PLXDC2: variants seen among roughly 807,000 people sequenced by gnomAD.
PLXDC2 encodes plexin domain-containing protein 2.
PLXDC2 carries 40 observed loss-of-function variants against 68.9 expected under a neutral mutation model. The observed-to-expected ratio is 0.58, with a 90% CI of 0.45 to 0.76. The LOEUF (loss-of-function observed/expected upper bound fraction) is 0.76, where lower values mean the gene tolerates loss of function less well. PLXDC2 is among the 30% of genes least tolerant of loss of function. The pLI, the probability that PLXDC2 is intolerant of heterozygous loss-of-function variation, is 0.00. For synonymous variants in PLXDC2, 243 were observed against 234.2 expected (o/e 1.04, Z -0.34); for missense variants, 644 against 661.9 (o/e 0.97, Z 0.30).
intron 3 of PLXDC2, among the ~76,000 whole-genome samples, chr10:20,048,044 A>C (rs540503093): frequency 1.3e-5 from 2 of 152,270 alleles, no homozygotes; most frequent in African/African-American, 4.8e-5. Context: ...TGTTCAGTTA[A>C]GTATGACCTG....
intron 1 of PLXDC2, among the ~76,000 whole-genome samples, chr10:19,987,711 G>A (rs1037821631): frequency 1.3e-5 from 2 of 151,648 alleles, no homozygotes; most frequent in Non-Finnish European, 2.9e-5. Flanking sequence ...ATAGGCGCCC[G>A]CCACCACCCC....
chr10:19,897,230 TTTTTTTTTG>T (rs1807010102), intron 1 of PLXDC2, among the ~76,000 whole-genome samples: 2 of 135,468 alleles, frequency 1.5e-5, no homozygotes, highest in Non-Finnish European at 3.3e-5. Flanking sequence ...CCCTTCTCTT[TTTTTTTTTG>T]TTTTTTTTTG....
intron 1 of PLXDC2, among the ~76,000 whole-genome samples, chr10:19,990,785 G>C (rs1834734255): frequency 6.6e-6 from 1 of 152,070 alleles, no homozygotes; most frequent in Non-Finnish European, 1.5e-5. Flanking sequence ...AAGTCATTTA[G>C]GAAAGCAATG....
At chr10:20,098,072 A>G (rs1833374761) in intron 4 of PLXDC2, among the ~76,000 whole-genome samples, 1 of 151,586 alleles carries the variant, frequency 6.6e-6, no homozygotes, top group Non-Finnish European at 1.5e-5. Flanking sequence ...TTATTGTTTT[A>G]TTTGTGGGGG....
chr10:20,105,918 A>G (rs966639049), intron 4 of PLXDC2, among the ~76,000 whole-genome samples: 12 of 152,262 alleles, frequency 7.9e-5, no homozygotes, highest in Admixed American at 7.8e-4. Context: ...TAGACCATCA[A>G]TAAAGCCTTG....
intron 4 of PLXDC2, among the ~76,000 whole-genome samples, chr10:20,140,688 C>G (rs1015588858): frequency 6.6e-6 from 1 of 151,862 alleles, no homozygotes; most frequent in African/African-American, 2.4e-5. Flanking sequence ...CTAGGTAAAG[C>G]CTATCATTAG....
Position 20,119,440 on chromosome 10 carries a change from G to A in PLXDC2, c.542-23855G>A, listed in dbSNP as rs539018442. Among the ~76,000 whole-genome samples the A allele has an allele frequency of 2.0e-5, 3 of 152,084 alleles. No individual in the cohort carries two copies. The East Asian group carries it at 5.8e-4, about 30-fold the overall frequency. ...GAGCTTGTGAGCCAGGATGAGCCAG[G>A]AGAAGGAATTTCACAAGACAATGTC... On this transcript the variant is annotated intron_variant, in intron 4 of 13. Transcript: ENST00000377252.
chr10:19,829,810 T>A (rs1836652352), intron 1 of PLXDC2, among the ~76,000 whole-genome samples: 1 of 152,292 alleles, frequency 6.6e-6, no homozygotes, highest in South Asian at 2.1e-4. Context: ...ATTTGTCATA[T>A]ATATTTGTGA....
Position 19,858,480 on chromosome 10 carries a change from C to T in PLXDC2, c.112+41289C>T, listed in dbSNP as rs190737442. ...CTTAAAGATTGCAGTGAACTTACAC[C>T]AAATTAGGCATTCATTGAATTAGCT... On this transcript the variant is annotated intron_variant, in intron 1 of 13. Coordinates refer to ENST00000377252, the MANE Select transcript of PLXDC2 (RefSeq NM_032812.9). Among the ~76,000 whole-genome samples, 487 of 152,258 alleles carry T rather than the reference C, an allele frequency of 3.2e-3. 3 individuals carry two copies. The highest frequency in any genetic ancestry group is 0.01 in the African/African-American group (432 of 41,544).
intron 12 of PLXDC2, among the ~76,000 whole-genome samples, chr10:20,221,488 C>A (rs1835211879): frequency 6.6e-6 from 1 of 152,112 alleles, no homozygotes; most frequent in Non-Finnish European, 1.5e-5. Context: ...TGGTTGTTAA[C>A]AAAGCACTTT....
At chr10:19,888,927 C>T (rs984472624) in intron 1 of PLXDC2, among the ~76,000 whole-genome samples, 6 of 152,108 alleles carry the variant, frequency 3.9e-5, no homozygotes, top group Admixed American at 3.9e-4. Context: ...GTGACTACCT[C>T]CAAAGGAATT....
chr10:20,106,086 G>A (rs1309586287), intron 4 of PLXDC2, among the ~76,000 whole-genome samples: 1 of 152,208 alleles, frequency 6.6e-6, no homozygotes, highest in Non-Finnish European at 1.5e-5. Context: ...TAGTCACACA[G>A]CTATGTAAGG....
intron 1 of PLXDC2, among the ~76,000 whole-genome samples, chr10:19,921,882 C>T (rs987080696): frequency 6.6e-6 from 1 of 151,806 alleles, no homozygotes; most frequent in African/African-American, 2.4e-5. Context: ...TTTTTTGAGA[C>T]AGCGTCTCAC....
At position 20,014,355 on chromosome 10, in the gene PLXDC2, TTTCCTTCCTTCCTTCCTTCCTTCCTTGC is replaced by T. The variant is rs1209257430; in HGVS notation, c.324+12396_324+12423del. Among the ~76,000 whole-genome samples the T allele has an allele frequency of 5.2e-4, 55 of 105,468 alleles. 1 individual carries two copies. The highest frequency in any genetic ancestry group is 1.1e-3 in the East Asian group (3 of 2,720). 69.2% of individuals were successfully genotyped at this position (105,468 alleles called of 152,430 possible). ...CTCCCCACCTCCCTCCCTCCTTCCC[TTTCCTTCCTTCCTTCCTTCCTTCCTTGC>T]TTCCTTCCTTCCTTCCTTCCTTCCT... On this transcript the variant is annotated intron_variant, in intron 2 of 13. Coordinates refer to ENST00000377252, the MANE Select transcript of PLXDC2 (RefSeq NM_032812.9).
chr10:19,883,921 G>A (rs1241716147), intron 1 of PLXDC2, among the ~76,000 whole-genome samples: 1 of 38,540 alleles, frequency 2.6e-5, no homozygotes, highest in African/African-American at 2.2e-4. Context: ...TAGCAGACAG[G>A]ATCTGACTCC....
intron 1 of PLXDC2, among the ~76,000 whole-genome samples, chr10:19,841,073 T>A (rs537616992): frequency 3.9e-5 from 6 of 152,262 alleles, no homozygotes; most frequent in African/African-American, 1.4e-4. Flanking sequence ...ATCTAAAACA[T>A]TTGAGCATTT....
Position 20,289,703 on chromosome 10 carries a change from A to T in PLXDC2, c.*9884A>T, listed in dbSNP as rs1836205381. On this transcript the variant is annotated 3_prime_UTR_variant, in exon 14 of 14. Transcript: ENST00000377252. ...CCCAAGAAGCACACACAATGACTGGAGCTGTCGGGAATTCCTGTCAGTGGC... is the reference window on the plus strand; with the variant it reads ...CCCAAGAAGCACACACAATGACTGGTGCTGTCGGGAATTCCTGTCAGTGGC... 6.6e-6 allele frequency: 1 copy of T among 152,254 alleles called. No individual in the cohort carries two copies. Among genetic ancestry groups the T allele is most frequent in the Non-Finnish European group, 1.5e-5 (1 of 68,086 alleles). The allele number at this position is 152,254 out of a possible 1,614,324, so 9.4% of individuals were successfully genotyped here.
intron 13 of PLXDC2, among the ~76,000 whole-genome samples, chr10:20,273,716 G>A (rs933229663): frequency 6.6e-6 from 1 of 152,100 alleles, no homozygotes; most frequent in African/African-American, 2.4e-5. Context: ...CTGTAGGTGG[G>A]TATTCAGAAA....
At chr10:19,892,262 T>C (rs1465899774) in intron 1 of PLXDC2, among the ~76,000 whole-genome samples, 2 of 152,222 alleles carry the variant, frequency 1.3e-5, no homozygotes, top group Non-Finnish European at 2.9e-5. Context: ...TGTGCTATTA[T>C]TATCTCTGTG....
Sources: gnomAD v4.1 joint callset for allele counts (sites outside exome capture counted in the v4.1 genomes callset) on GRCh38, gnomAD v4.1.1 for gene constraint, MANE v1.5 for transcripts, NCBI Gene and HGNC (gene_info 2026-07-23, HGNC 2026-07-21) for gene names.